The following USP46 variants were observed in gnomAD, a reference collection of about 807,000 sequenced individuals.
The protein encoded by USP46 is ubiquitin carboxyl-terminal hydrolase 46.
USP46 carries 12 observed loss-of-function variants against 44.4 expected under a neutral mutation model. The ratio of observed to expected loss-of-function variants is 0.27; its 90% confidence interval spans 0.17 to 0.44. The LOEUF is 0.44. Among genes scored for constraint, USP46 ranks in the 20% least tolerant of loss-of-function variants. The pLI, the probability that USP46 is intolerant of heterozygous loss-of-function variation, is 1.00. For synonymous variants in USP46, 155 were observed against 161.5 expected, an observed-to-expected ratio of 0.96 and a Z score of 0.31; for missense variants, 248 against 444.8, an observed-to-expected ratio of 0.56 and a Z score of 3.98.
At chr4:52,619,938 G>C (rs570404957) in intron 4 of USP46, among the ~76,000 whole-genome samples, 2 of 152,250 alleles carry the variant, frequency 1.3e-5, no homozygotes, top group Admixed American at 1.3e-4. Flanking sequence ...CATTTCAGGG[G>C]GAAGAAAAGT....
At chr4:52,637,244 G>A (rs1718151734) in intron 1 of USP46, among the ~76,000 whole-genome samples, 1 of 152,090 alleles carries the variant, frequency 6.6e-6, no homozygotes, top group Non-Finnish European at 1.5e-5. Flanking sequence ...CTTTTAGGTG[G>A]CTGGCTTTTT....
At chr4:52,605,329 T>C (rs1406405670) in intron 5 of USP46, among the ~76,000 whole-genome samples, 1 of 152,208 alleles carries the variant, frequency 6.6e-6, no homozygotes, top group Admixed American at 6.5e-5. Context: ...ACGGTTTTTA[T>C]TTTTTAAATG....
intron 8 of USP46, 31 bp downstream of exon 8, chr4:52,598,597 A>G: frequency 4.4e-6 from 7 of 1,584,204 alleles, no homozygotes; most frequent in Non-Finnish European, 5.2e-6. Context: ...CTGATGCTCT[A>G]TGACTACTGG....
chr4:52,646,313 C>T (rs116573996), intron 1 of USP46, among the ~76,000 whole-genome samples: 2,515 of 152,278 alleles, frequency 0.017, 67 homozygotes, highest in African/African-American at 0.056. Context: ...GTCAGTATTG[C>T]ACCATCAGAG....
chr4:52,598,719 A>AT lies in USP46; in HGVS notation c.921-14_921-13insA. ...ACGATTAGGACCACTGGAAAAGAAC[A>AT]AATAAAAGGCAGTTAGCAAGTTAAC... On this transcript the variant is annotated splice_polypyrimidine_tract_variant and intron_variant, in intron 7 of 8. Coordinates refer to ENST00000441222, the MANE Select transcript of USP46 (RefSeq NM_022832.4). The AT allele has an allele frequency of 6.3e-7, 1 of 1,597,908 alleles. No individual in the cohort carries two copies. The highest frequency in any genetic ancestry group is 1.1e-5 in the South Asian group (1 of 87,640).
chr4:52,641,360 G>T (rs950393295), intron 1 of USP46, among the ~76,000 whole-genome samples: 3 of 152,130 alleles, frequency 2.0e-5, no homozygotes, highest in African/African-American at 4.8e-5. Context: ...GTTCCAACAA[G>T]ACTATAATGT....
chr4:52,632,914 GAAAGAGAAAGAA>G (rs1472711156), intron 1 of USP46, among the ~76,000 whole-genome samples: 2 of 81,146 alleles, frequency 2.5e-5, no homozygotes, highest in African/African-American at 1.1e-4. Context: ...GAGAAAGAAA[GAAAGAGAAAGAA>G]AGAAAGAAAG....
At chr4:52,645,959 C>T (rs1017319751) in intron 1 of USP46, among the ~76,000 whole-genome samples, 12 of 152,096 alleles carry the variant, frequency 7.9e-5, no homozygotes, top group Non-Finnish European at 1.6e-4. Context: ...TGCCTGCTTT[C>T]CCTACACCTT....
intron 1 of USP46, among the ~76,000 whole-genome samples, chr4:52,635,161 A>T (rs532221874): frequency 2.0e-5 from 3 of 150,200 alleles, no homozygotes; most frequent in African/African-American, 7.4e-5. Flanking sequence ...TCACAGCCAC[A>T]TCTACATCTC....
intron 1 of USP46, among the ~76,000 whole-genome samples, chr4:52,658,687 G>A (rs1418403631): frequency 6.6e-6 from 1 of 152,246 alleles, no homozygotes; most frequent in Non-Finnish European, 1.5e-5. Context: ...CGGAAGGACT[G>A]AACTCAAAAT....
At chr4:52,626,359 T>C (rs1199227812) in intron 3 of USP46, 112 bp from the exon 4 acceptor site, 7 of 877,356 alleles carry the variant, frequency 8.0e-6, no homozygotes, top group Middle Eastern at 3.3e-4. Context: ...AGTCTCGCTG[T>C]GTCGCCAGGC....
chr4:52,647,990 G>T (rs1718614436), intron 1 of USP46, among the ~76,000 whole-genome samples: 1 of 152,204 alleles, frequency 6.6e-6, no homozygotes, highest in Admixed American at 6.5e-5. Context: ...CAATGCCCAG[G>T]CAACAGGCTA....
intron 1 of USP46, among the ~76,000 whole-genome samples, chr4:52,644,380 A>AAC (rs1294217828): frequency 6.6e-6 from 1 of 152,204 alleles, no homozygotes; most frequent in African/African-American, 2.4e-5. Context: ...ACAGCATGAC[A>AAC]ACATGTCACT....
chr4:52,636,689 GA>G (rs1361295712), intron 1 of USP46, among the ~76,000 whole-genome samples: 1 of 109,384 alleles, frequency 9.1e-6, no homozygotes, highest in Admixed American at 1.2e-4. Flanking sequence ...CTGGGTGACA[GA>G]GTAAGACTCT....
chr4:52,598,435 G>A lies in USP46; in HGVS notation c.999+193C>T, dbSNP rs535501773. On this transcript the variant is annotated intron_variant, in intron 8 of 8. Transcript: ENST00000441222. Reference sequence around the variant, plus strand: ...ACCGTGGAGAACACAGCGTCAGTGAGTCCATGATCACACCCCTTCTCCCTT... The same window carrying A: ...ACCGTGGAGAACACAGCGTCAGTGAATCCATGATCACACCCCTTCTCCCTT... The A allele has an allele frequency of 8.4e-6, 5 of 593,240 alleles. No individual in the cohort carries two copies. The East Asian group carries it at 1.5e-4, about 17-fold the overall frequency. The allele number at this position is 593,240 out of a possible 1,614,324, so 36.7% of individuals were successfully genotyped here.
Position 52,604,555 on chromosome 4 carries a change from C to T in USP46, c.668G>A (p.Ser223Asn). ...RDFSNTETLC[S>N]EQKYYCETCC... ...TGTTTCACAATAATATTTTTGTTCA[C>T]TACACAGTGTTTCTGTGTTGCTGAA... The change falls in exon 6 of 9, where the codon AGT becomes AAT. Residue 223 changes from serine (S) to asparagine (N), a missense_variant. Physicochemically the swap from Ser to Asn is conservative, Grantham distance 46. Around this residue, in one of 5 missense-constraint regions of USP46, gnomAD observed 98 missense variants for 218.2 expected, o/e 0.45. Coordinates refer to ENST00000441222, the MANE Select transcript of USP46 (RefSeq NM_022832.4). 6.2e-7 allele frequency: 1 copy of T among 1,608,596 alleles called. No individual in the cohort carries two copies. Among genetic ancestry groups the T allele is most frequent in the Non-Finnish European group, 8.5e-7 (1 of 1,178,260 alleles).
intron 5 of USP46, among the ~76,000 whole-genome samples, chr4:52,608,512 T>C (rs917159437): frequency 2.0e-5 from 3 of 152,236 alleles, no homozygotes; most frequent in Non-Finnish European, 1.5e-5. Context: ...TGAATACATC[T>C]AATCCATTTT....
intron 1 of USP46, among the ~76,000 whole-genome samples, chr4:52,646,941 T>C (rs545367306): frequency 6.6e-6 from 1 of 152,328 alleles, no homozygotes; most frequent in African/African-American, 2.4e-5. Context: ...GAGGGCAATT[T>C]GGCAAAATCC....
chr4:52,607,942 G>A (rs1003515993), intron 5 of USP46, among the ~76,000 whole-genome samples: 2 of 152,138 alleles, frequency 1.3e-5, no homozygotes, highest in African/African-American at 2.4e-5. Context: ...CCAATCTCGG[G>A]TATTTATTTA....
Sources: gnomAD v4.1 joint callset for allele counts (sites outside exome capture counted in the v4.1 genomes callset) on GRCh38, gnomAD v4.1.1 for gene constraint, gnomAD v4.1.1 regional missense constraint, MANE v1.5 for transcripts, NCBI Gene and HGNC (gene_info 2026-07-23, HGNC 2026-07-21) for gene names.